SKA1: variants seen among roughly 807,000 people sequenced by gnomAD.
SKA1 encodes SKA complex subunit 1.
In SKA1, 20 loss-of-function variants were observed where a neutral mutation model predicts 31.8. The ratio of observed to expected loss-of-function variants is 0.63; its 90% CI spans 0.44 to 0.91. The LOEUF is 0.91. SKA1 is among the 40% of genes least tolerant of loss of function. The pLI, the probability that SKA1 is intolerant of heterozygous loss-of-function variation, is 0.00. For synonymous variants in SKA1, 88 were observed against 100.5 expected (o/e 0.88, Z 0.74); for missense variants, 253 against 298.2 (o/e 0.85, Z 1.12).
At chr18:50,375,431 A>G (rs978892181) in intron 1 of SKA1, among the ~76,000 whole-genome samples, 9 of 152,248 alleles carry the variant, frequency 5.9e-5, no homozygotes, top group African/African-American at 1.7e-4. Context: ...ACAGCACAGG[A>G]AAAATGATTA....
At chr18:50,386,792 C>T (rs2041312254) in intron 5 of SKA1, among the ~76,000 whole-genome samples, 1 of 152,224 alleles carries the variant, frequency 6.6e-6, no homozygotes, top group African/African-American at 2.4e-5. Flanking sequence ...ATGTAGCCTT[C>T]TCTGACTGGC....
At chr18:50,382,046 C>T in intron 3 of SKA1, 83 bp from the exon 4 acceptor site, 2 of 838,600 alleles carry the variant, frequency 2.4e-6, no homozygotes, top group Admixed American at 6.6e-5. Flanking sequence ...GATTATGGTT[C>T]ACTGTTTTCC....
At position 50,391,289 on chromosome 18, in the gene SKA1, C is replaced by G; in HGVS notation, c.615C>G (p.Thr205=). ...TTATTGATGAAGAAACGAAGGATAC[C>G]AAAGGTAAAATGGCAGCATATATGT... ...HRFIDEETKD[T]KGRYFIVEAD... Residue 205 remains threonine, a synonymous_variant, in exon 6 of 7, where the codon ACC becomes ACG. Coordinates refer to ENST00000285116, the MANE Select transcript of SKA1 (RefSeq NM_145060.4). The G allele has an allele frequency of 6.3e-7, 1 of 1,587,222 alleles. No individual in the cohort carries two copies. Among genetic ancestry groups the G allele is most frequent in the South Asian group, 1.2e-5 (1 of 85,108 alleles).
chr18:50,386,101 T>C (rs1456562419), intron 5 of SKA1, among the ~76,000 whole-genome samples: 2 of 152,216 alleles, frequency 1.3e-5, no homozygotes. Flanking sequence ...ATACCTGTTA[T>C]TATAGCAATG....
At chr18:50,384,304 C>T (rs1310840131) in intron 4 of SKA1, among the ~76,000 whole-genome samples, 2 of 152,110 alleles carry the variant, frequency 1.3e-5, no homozygotes, top group African/African-American at 4.8e-5. Context: ...GTAGTTATAG[C>T]AGCCCCCTAC....
At chr18:50,388,129 C>T (rs1439549813) in intron 5 of SKA1, among the ~76,000 whole-genome samples, 1 of 152,120 alleles carries the variant, frequency 6.6e-6, no homozygotes, top group Non-Finnish European at 1.5e-5. Flanking sequence ...GCTCTGTCGC[C>T]CAGGCTGGAG....
intron 2 of SKA1, among the ~76,000 whole-genome samples, chr18:50,376,464 A>G (rs2041216550): frequency 6.6e-6 from 1 of 152,248 alleles, no homozygotes; most frequent in South Asian, 2.1e-4. Context: ...ATCTAAACAT[A>G]GAAAAGATAC....
chr18:50,385,222 G>C lies in SKA1; in HGVS notation c.318G>C (p.Lys106Asn). 1 of 1,612,002 alleles carries C rather than the reference G, an allele frequency of 6.2e-7. No homozygotes were observed. Among genetic ancestry groups the C allele is most frequent in the Non-Finnish European group, 8.5e-7 (1 of 1,179,260 alleles). The change falls in exon 5 of 7, where the codon AAG becomes AAC. Residue 106 changes from lysine (K) to asparagine (N), a missense_variant. Transcript: ENST00000285116. Reference sequence around the variant, plus strand: ...GTACATCTGTATTCTGTAGTGTTAAGGGATCAGATCTTGATCCTGAAGAAC... The same window carrying C: ...GTACATCTGTATTCTGTAGTGTTAACGGATCAGATCTTGATCCTGAAGAAC... ...PQVTVTQSCV[K>N]GSDLDPEEPI...
intron 2 of SKA1, among the ~76,000 whole-genome samples, chr18:50,376,802 CT>C (rs1423536933): frequency 1.7e-5 from 2 of 117,658 alleles, no homozygotes; most frequent in African/African-American, 3.4e-5. Flanking sequence ...TCTTTATGAG[CT>C]TTTTTTCTAT....
intron 5 of SKA1, among the ~76,000 whole-genome samples, chr18:50,389,860 A>G (rs16951852): frequency 0.068 from 10,306 of 152,222 alleles, 981 homozygotes; most frequent in African/African-American, 0.21. Context: ...ATGCTTCCAT[A>G]AAGAGCTATT....
chr18:50,381,272 G>A (rs1267665048), intron 3 of SKA1, among the ~76,000 whole-genome samples: 1 of 152,196 alleles, frequency 6.6e-6, no homozygotes, highest in Non-Finnish European at 1.5e-5. Flanking sequence ...ATAGCCTCAA[G>A]TTCTAGTAAA....
intron 2 of SKA1, among the ~76,000 whole-genome samples, 195 bp from the exon 3 acceptor site, chr18:50,379,931 G>A (rs542072896): frequency 5.3e-5 from 8 of 152,258 alleles, no homozygotes; most frequent in African/African-American, 1.7e-4. Flanking sequence ...CTTGCCTCTC[G>A]CCTCCTTCTG....
At position 50,375,839 on chromosome 18, in the gene SKA1, G is replaced by C. The variant is rs781583139; in HGVS notation, c.9G>C (p.Ser3=). MA[S]SDLEQLCSHV... ...CTTCAGAGGCTTAAAGGATGGCCTC[G>C]TCAGATCTGGAACAATTATGCTCTC... Residue 3 remains serine, a synonymous_variant, in exon 2 of 7, where the codon TCG becomes TCC. Transcript: ENST00000285116. The C allele has an allele frequency of 5.0e-6, 8 of 1,605,158 alleles. No homozygotes were observed. The highest frequency in any genetic ancestry group is 5.1e-6 in the Non-Finnish European group (6 of 1,176,254).
At chr18:50,376,427 G>A (rs1213923643) in intron 2 of SKA1, among the ~76,000 whole-genome samples, 1 of 152,208 alleles carries the variant, frequency 6.6e-6, no homozygotes, top group Non-Finnish European at 1.5e-5. Context: ...CCTTAGGCAA[G>A]TGTAACACAA....
At chr18:50,386,436 A>G (rs73440063) in intron 5 of SKA1, among the ~76,000 whole-genome samples, 9,845 of 152,180 alleles carry the variant, frequency 0.065, 904 homozygotes, top group African/African-American at 0.2. Context: ...CCTTTGTTAG[A>G]TTTACAGAAA....
chr18:50,375,978 C>G, intron 2 of SKA1, 60 bp downstream of exon 2: 1 of 1,034,220 alleles, frequency 9.7e-7, no homozygotes, highest in Middle Eastern at 2.2e-4. Context: ...TTATTCCACT[C>G]TGAATGATAT....
At position 50,393,628 on chromosome 18, in the gene SKA1, G is replaced by T. The variant is rs1231575345; in HGVS notation, c.*1381G>T. 1 of 152,116 alleles carries T rather than the reference G, an allele frequency of 6.6e-6. No homozygotes were observed. Among genetic ancestry groups the T allele is most frequent in the Non-Finnish European group, 1.5e-5 (1 of 68,038 alleles). The allele number at this position is 152,116 out of a possible 1,614,324, so 9.4% of individuals were successfully genotyped here. On this transcript the variant is annotated 3_prime_UTR_variant, in exon 7 of 7. Coordinates refer to ENST00000285116, the MANE Select transcript of SKA1 (RefSeq NM_145060.4). ...TTGATGTGATAATGTGATATAATAA[G>T]AAATATATATTTGATCTTCCTATCT... is the stretch of plus-strand genomic sequence containing the variant.
intron 2 of SKA1, 102 bp from the exon 3 acceptor site, chr18:50,380,024 C>A: frequency 1.0e-6 from 1 of 977,036 alleles, no homozygotes; most frequent in Non-Finnish European, 1.4e-6. Context: ...TTTTTCCACC[C>A]CTCTCTAAGG....
chr18:50,391,306 C>T lies in SKA1; in HGVS notation c.619+13C>T. The T allele has an allele frequency of 1.3e-6, 2 of 1,572,938 alleles. No individual in the cohort carries two copies. Among genetic ancestry groups the T allele is most frequent in the Non-Finnish European group, 8.6e-7 (1 of 1,165,068 alleles). ...AAGGATACCAAAGGTAAAATGGCAGCATATATGTGTGTACATGTGAACTGT... is the reference window on the plus strand; with the variant it reads ...AAGGATACCAAAGGTAAAATGGCAGTATATATGTGTGTACATGTGAACTGT... On this transcript the variant is annotated intron_variant, in intron 6 of 6. Transcript: ENST00000285116.
Sources: gnomAD v4.1 joint callset for allele counts (sites outside exome capture counted in the v4.1 genomes callset) on GRCh38, gnomAD v4.1.1 for gene constraint, MANE v1.5 for transcripts, NCBI Gene and HGNC (gene_info 2026-07-23, HGNC 2026-07-21) for gene names.